Variants in TSPAN9 observed in about 807,000 individuals in gnomAD.
TSPAN9 encodes the protein tetraspanin 9, also known as tetraspanin-9.
TSPAN9 carries 16 observed loss-of-function variants against 31.0 expected under a neutral mutation model. The ratio of observed to expected loss-of-function variants is 0.52; its 90% CI spans 0.35 to 0.78. The LOEUF (loss-of-function observed/expected upper bound fraction) is 0.78, where lower values mean the gene tolerates loss of function less well. Ranked by LOEUF, TSPAN9 falls within the 30% of genes least tolerant of loss-of-function variation. The pLI is 0.01. For synonymous variants in TSPAN9, 145 were observed against 121.6 expected, an observed-to-expected ratio of 1.19 and a Z score of -1.27; for missense variants, 272 against 312.5, an observed-to-expected ratio of 0.87 and a Z score of 0.98.
At chr12:3,196,078 TG>T (rs1269366094) in intron 2 of TSPAN9, among the ~76,000 whole-genome samples, 1 of 152,204 alleles carries the variant, frequency 6.6e-6, no homozygotes, top group East Asian at 1.9e-4. Context: ...GTGTCTTCCG[TG>T]GGTCCTTGTT....
chr12:3,080,710 T>C (rs891762329), intron 1 of TSPAN9, among the ~76,000 whole-genome samples: 2 of 152,222 alleles, frequency 1.3e-5, no homozygotes, highest in African/African-American at 4.8e-5. Flanking sequence ...ATTTACATTG[T>C]TGTGCGACAG....
intron 2 of TSPAN9, among the ~76,000 whole-genome samples, chr12:3,169,226 T>C (rs2153970119): frequency 6.6e-6 from 1 of 152,288 alleles, no homozygotes; most frequent in South Asian, 2.1e-4. Flanking sequence ...CCAACTCTGT[T>C]TCGGGTGGGT....
intron 2 of TSPAN9, chr12:3,150,960 A>C (rs1366927950): frequency 1.3e-5 from 2 of 152,104 alleles, no homozygotes; most frequent in African/African-American, 4.8e-5. Context: ...ATTTTTTCCC[A>C]ATGAAGTTCT....
rs1225392859 is a variant in TSPAN9 at position 3,280,281 on chromosome 12, C to T, written c.331-101C>T. On this transcript the variant is annotated intron_variant, in intron 5 of 8. Transcript: ENST00000011898. The surrounding 1 kb of genome is among the most constrained non-coding windows in gnomAD (Gnocchi z 4.5). ...CCAGCTGCCTTCCCTGCCTTCCTCACTCCTCATCTGTCACCCACCATCCTG... is the reference window on the plus strand; with the variant it reads ...CCAGCTGCCTTCCCTGCCTTCCTCATTCCTCATCTGTCACCCACCATCCTG... 5.6e-6 allele frequency: 6 copies of T among 1,073,530 alleles called. No homozygotes were observed. Among genetic ancestry groups the T allele is most frequent in the Non-Finnish European group, 8.4e-6 (6 of 718,144 alleles). The allele number at this position is 1,073,530 out of a possible 1,614,324, so 66.5% of individuals were successfully genotyped here. A position where few individuals can be genotyped will look rare whatever the true frequency, so the allele number is the denominator to read the frequency against.
intron 2 of TSPAN9, among the ~76,000 whole-genome samples, chr12:3,130,618 C>T (rs867731795): frequency 3.3e-5 from 5 of 152,100 alleles, no homozygotes; most frequent in African/African-American, 7.2e-5. Context: ...TGCGTGACCT[C>T]GGGCAAGCTC....
At chr12:3,220,849 G>C (rs919740958) in intron 3 of TSPAN9, among the ~76,000 whole-genome samples, 6 of 152,174 alleles carry the variant, frequency 3.9e-5, no homozygotes, top group African/African-American at 1.4e-4. Flanking sequence ...TCAGAGGACA[G>C]GGCCCTTCCT....
chr12:3,283,008 G>T (rs1372908350), intron 8 of TSPAN9, 37 bp from the exon 9 acceptor site: 35 of 1,601,990 alleles, frequency 2.2e-5, no homozygotes, highest in Non-Finnish European at 2.5e-5. Flanking sequence ...CCAGGCTGCT[G>T]CAGCTCCTGC....
At chr12:3,200,542 C>G (rs1011292232) in intron 2 of TSPAN9, 1 of 152,528 alleles carries the variant, frequency 6.6e-6, no homozygotes, top group Admixed American at 6.5e-5. Context: ...GCCTGGATCC[C>G]GGTGCCCTTC....
intron 3 of TSPAN9, among the ~76,000 whole-genome samples, chr12:3,244,866 C>G (rs2098398633): frequency 6.6e-6 from 1 of 152,188 alleles, no homozygotes. Context: ...TCTTCCTCCC[C>G]TGCTCCTCCT....
intron 2 of TSPAN9, among the ~76,000 whole-genome samples, chr12:3,095,933 T>G (rs376118164): frequency 0.2 from 29,253 of 143,110 alleles, 3,569 homozygotes; most frequent in South Asian, 0.41. Flanking sequence ...CCAGACGGGG[T>G]GGCGGCCGGG....
intron 2 of TSPAN9, among the ~76,000 whole-genome samples, chr12:3,114,016 CCTCAGT>C (rs1188779035): frequency 2.0e-5 from 3 of 152,242 alleles, no homozygotes; most frequent in Non-Finnish European, 4.4e-5. Context: ...TGACTGTCAT[CCTCAGT>C]GGGCCATAAA....
chr12:3,237,332 A>G (rs926355496), intron 3 of TSPAN9, among the ~76,000 whole-genome samples: 1 of 152,162 alleles, frequency 6.6e-6, no homozygotes, highest in Non-Finnish European at 1.5e-5. Flanking sequence ...GATCAAAGAC[A>G]GGCTGGTGCC....
chr12:3,133,028 T>C (rs2098330498), intron 2 of TSPAN9, among the ~76,000 whole-genome samples: 1 of 152,232 alleles, frequency 6.6e-6, no homozygotes, highest in Non-Finnish European at 1.5e-5. Context: ...GGAGTATGAC[T>C]TGAAGGCACC....
At chr12:3,188,913 C>T (rs185378456) in intron 2 of TSPAN9, among the ~76,000 whole-genome samples, 26 of 152,108 alleles carry the variant, frequency 1.7e-4, no homozygotes, top group Non-Finnish European at 3.1e-4. Context: ...GGGTGAGGCT[C>T]GGGGGCTCTG....
intron 2 of TSPAN9, among the ~76,000 whole-genome samples, chr12:3,102,648 A>G: frequency 6.6e-6 from 1 of 152,026 alleles, no homozygotes; most frequent in East Asian, 1.9e-4. Context: ...CATGTTAGCC[A>G]GGATGGTCTC....
intron 3 of TSPAN9, among the ~76,000 whole-genome samples, chr12:3,250,958 T>C (rs1366145299): frequency 6.6e-6 from 1 of 152,220 alleles, no homozygotes; most frequent in African/African-American, 2.4e-5. Flanking sequence ...CCATGCACTC[T>C]CTCTTCTCCT....
intron 2 of TSPAN9, among the ~76,000 whole-genome samples, chr12:3,124,552 C>A (rs2098326489): frequency 6.6e-6 from 1 of 151,768 alleles, no homozygotes; most frequent in African/African-American, 2.4e-5. Flanking sequence ...GGATTACAGG[C>A]ATGCACAACC....
At chr12:3,154,898 G>A (rs142556612) in intron 2 of TSPAN9, among the ~76,000 whole-genome samples, 1 of 152,258 alleles carries the variant, frequency 6.6e-6, no homozygotes, top group Non-Finnish European at 1.5e-5. Context: ...ATCACAGTGA[G>A]CCCCTTTTCT....
intron 2 of TSPAN9, among the ~76,000 whole-genome samples, chr12:3,093,976 C>CCT (rs1480808049): frequency 6.6e-6 from 1 of 152,222 alleles, no homozygotes. Flanking sequence ...AATCCTCCTG[C>CCT]CTCAGCCTCC....
Sources: gnomAD v4.1 joint callset for allele counts (sites outside exome capture counted in the v4.1 genomes callset) on GRCh38, gnomAD v4.1.1 for gene constraint, Gnocchi (gnomAD v3.1) non-coding constraint, MANE v1.5 for transcripts, NCBI Gene and HGNC (gene_info 2026-07-23, HGNC 2026-07-21) for gene names.